The following MRPL12 variants were observed in gnomAD, a reference collection of about 807,000 sequenced individuals.
MRPL12 encodes mitochondrial ribosomal protein L12.
Under a neutral mutation model 21.1 loss-of-function variants are expected in MRPL12, and 13 were observed. That is an observed-to-expected ratio of 0.62 (90% CI 0.40 to 0.98). The LOEUF (loss-of-function observed/expected upper bound fraction) is 0.98, where lower values mean the gene tolerates loss of function less well. MRPL12 is among the 50% of genes least tolerant of loss of function. The probability of loss-of-function intolerance (pLI) is 0.00; values close to 1 mark genes in which losing one functional copy is unlikely to be tolerated. For missense variants in MRPL12, 251 were observed against 268.6 expected (o/e 0.93, Z 0.46); for synonymous variants, 126 against 115.3 (o/e 1.09, Z -0.60).
chr17:81,703,385 G>A lies in MRPL12; in HGVS notation c.-117G>A. On this transcript the variant is annotated 5_prime_UTR_variant, in exon 1 of 5. The change abolishes an upstream ATG in the 5' untranslated region. Coordinates refer to ENST00000333676, the MANE Select transcript of MRPL12 (RefSeq NM_002949.4). The stretch of plus-strand genomic sequence containing the variant: ...CTAGAGCGTCATTTCCGGCTCGAAT[G>A]CCCGGCAGCCGTGGCGGCTAGAGCG... 2 of 828,746 alleles carry A rather than the reference G, an allele frequency of 2.4e-6. No homozygotes were observed. The highest frequency in any genetic ancestry group is 1.9e-5 in the South Asian group (1 of 51,858). The allele number at this position is 828,746 out of a possible 1,614,324, so 51.3% of individuals were successfully genotyped here.
rs2037291411 is a variant in MRPL12, at chr17:81,704,412, C to T, written c.243C>T (p.Asp81=). 5 of 1,612,414 alleles carry T rather than the reference C, an allele frequency of 3.1e-6. No individual in the cohort carries two copies. Among genetic ancestry groups the T allele is most frequent in the Non-Finnish European group, 2.5e-6 (3 of 1,179,308 alleles). Residue 81 remains aspartate (D), a synonymous_variant, in exon 2 of 5, where the codon GAC becomes GAT. Coordinates refer to ENST00000333676, the MANE Select transcript of MRPL12 (RefSeq NM_002949.4). ...GCCTCACTCTCTTGGAAATCTCAGA[C>T]CTCAACGAGCTCCTGAAGGTATCGT... The part of the protein sequence containing the change: ...IASLTLLEIS[D]LNELLKKTLK...
rs1380185259 is a variant in MRPL12 at position 81,704,314 on chromosome 17, G to A, written c.145G>A (p.Ala49Thr). 6 of 1,613,376 alleles carry A rather than the reference G, an allele frequency of 3.7e-6. No homozygotes were observed. The Admixed American group carries it at 5.0e-5, about 13-fold the overall frequency. ...SSGHQRCEAL[A>T]GAPLDNAPKE... is the part of the protein sequence containing the mutation. ...CGGCCATCAGAGGTGTGAGGCCCTCGCTGGTGCACCCCTGGATAACGCCCC... is the reference window on the plus strand; with the variant it reads ...CGGCCATCAGAGGTGTGAGGCCCTCACTGGTGCACCCCTGGATAACGCCCC... Residue 49 changes from alanine (A) to threonine (T), a missense_variant, in exon 2 of 5, where the codon GCT becomes ACT. Transcript: ENST00000333676.
chr17:81,703,501 G>C lies in MRPL12; in HGVS notation c.-1G>C, dbSNP rs1050214853. 3.4e-6 allele frequency: 5 copies of C among 1,485,652 alleles called. No homozygotes were observed. Among genetic ancestry groups the C allele is most frequent in the South Asian group, 2.5e-5 (2 of 79,586 alleles). 92.0% of individuals were successfully genotyped at this position (1,485,652 alleles called of 1,614,324 possible). On this transcript the variant is annotated 5_prime_UTR_variant, in exon 1 of 5. Coordinates refer to ENST00000333676, the MANE Select transcript of MRPL12 (RefSeq NM_002949.4). ...CGTGTGACCTTCCAGCCCGCGGACC[G>C]ATGCTGCCGGCGGCCGCTCGCCCCC...
In MRPL12 at chr17:81,704,359, A is replaced by G; in HGVS notation, c.190A>G (p.Ile64Val). 4 of 1,613,654 alleles carry G rather than the reference A, an allele frequency of 2.5e-6. No homozygotes were observed. Among genetic ancestry groups the G allele is most frequent in the Non-Finnish European group, 3.4e-6 (4 of 1,179,910 alleles). Residue 64 changes from isoleucine to valine, a missense_variant, in exon 2 of 5, where the codon ATA becomes GTA. Ile to Val is a conservative substitution (Grantham distance 29). Transcript: ENST00000333676. ...DNAPKEYPPK[I>V]QQLVQDIASL... Reference sequence around the variant, plus strand: ...CGCCCCCAAGGAGTACCCCCCCAAGATACAGCAGCTGGTCCAGGACATCGC... The same window carrying G: ...CGCCCCCAAGGAGTACCCCCCCAAGGTACAGCAGCTGGTCCAGGACATCGC...
Position 81,703,397 on chromosome 17 carries a change from TG to T in MRPL12, c.-103del. The T allele has an allele frequency of 1.1e-6, 1 of 942,854 alleles. No homozygotes were observed. Among genetic ancestry groups the T allele is most frequent in the African/African-American group, 1.8e-5 (1 of 56,934 alleles). The allele number at this position is 942,854 out of a possible 1,614,324, so 58.4% of individuals were successfully genotyped here. ...TTCCGGCTCGAATGCCCGGCAGCCG[TG>T]GCGGCTAGAGCGTTCCTCCCCAGCT... On this transcript the variant is annotated 5_prime_UTR_variant, in exon 1 of 5. It removes the in-frame stop codon of an upstream open reading frame in the 5' UTR. Coordinates refer to ENST00000333676, the MANE Select transcript of MRPL12 (RefSeq NM_002949.4).
At chr17:81,704,848 C>A (rs981223372) in intron 3 of MRPL12, 132 bp downstream of exon 3, 22 of 765,108 alleles carry the variant, frequency 2.9e-5, no homozygotes, top group South Asian at 2.1e-4. Flanking sequence ...CGGCATCCTG[C>A]AGCCTCCTGG....
chr17:81,703,637 G>A (rs1161311150), intron 1 of MRPL12, 62 bp downstream of exon 1: 11 of 1,284,966 alleles, frequency 8.6e-6, no homozygotes, highest in Non-Finnish European at 1.1e-5. Flanking sequence ...CGGGCACTGA[G>A]GGGTCGATCC....
chr17:81,706,959 C>T lies in MRPL12; in HGVS notation c.399C>T (p.Arg133=), dbSNP rs77169901. 1.1e-4 allele frequency: 185 copies of T among 1,614,116 alleles called. No homozygotes were observed. The African/African-American group carries it at 2.1e-3, about 18-fold the overall frequency. The part of the protein sequence containing the change: ...IAKERTHFTV[R]LTEAKPVDKV... The stretch of plus-strand genomic sequence containing the variant: ...AAGAACGGACACATTTCACCGTCCG[C>T]CTGACCGAGGCGAAGCCCGTGGACA... The change falls in exon 4 of 5, where the codon CGC becomes CGT. Residue 133 remains arginine (R), a synonymous_variant. Coordinates refer to ENST00000333676, the MANE Select transcript of MRPL12 (RefSeq NM_002949.4).
At chr17:81,703,616 TA>T in intron 1 of MRPL12, 41 bp downstream of exon 1, 2 of 1,350,942 alleles carry the variant, frequency 1.5e-6, no homozygotes, top group Non-Finnish European at 1.9e-6. Flanking sequence ...GCAGGCGGGT[TA>T]GGGGGCAGCC....
chr17:81,704,118 G>C (rs117968022), intron 1 of MRPL12, 126 bp from the exon 2 acceptor site: 13 of 912,990 alleles, frequency 1.4e-5, no homozygotes, highest in Non-Finnish European at 2.1e-5. Context: ...GTAATTTCCG[G>C]CCCTAGTGAT....
chr17:81,704,126 G>A (rs2037287017), intron 1 of MRPL12, 118 bp from the exon 2 acceptor site: 2 of 1,040,974 alleles, frequency 1.9e-6, no homozygotes, highest in Admixed American at 6.0e-5. Context: ...CGGCCCTAGT[G>A]ATTACCAGCC....
intron 3 of MRPL12, 101 bp downstream of exon 3, chr17:81,704,817 T>C (rs910865489): frequency 3.9e-6 from 4 of 1,033,380 alleles, no homozygotes; most frequent in Admixed American, 4.2e-5. Context: ...ACCGTCATTG[T>C]CTGCAGCCTG....
chr17:81,707,085 G>T, intron 4 of MRPL12, 39 bp from the exon 5 acceptor site: 1 of 1,613,930 alleles, frequency 6.2e-7, no homozygotes, highest in Non-Finnish European at 8.5e-7. Context: ...CGTTGTGGTG[G>T]CCAGGGCCCC....
chr17:81,703,599 C>T (rs1216423000), intron 1 of MRPL12, 24 bp downstream of exon 1: 3 of 1,372,406 alleles, frequency 2.2e-6, no homozygotes, highest in Non-Finnish European at 2.8e-6. Flanking sequence ...TGGGGCGGTC[C>T]GGGCCGGCAG....
Position 81,706,968 on chromosome 17 carries a change from G to C in MRPL12, c.408G>C (p.Glu136Asp). Residue 136 changes from glutamate to aspartate, a missense_variant, in exon 4 of 5, where the codon GAG (glutamate) becomes GAC (aspartate). Transcript: ENST00000333676. ...CACATTTCACCGTCCGCCTGACCGA[G>C]GCGAAGCCCGTGGACAAAGTGAAGC... Reference protein sequence around the residue: ...ERTHFTVRLTEAKPVDKVKLI... With the variant: ...ERTHFTVRLTDAKPVDKVKLI... 6.2e-7 allele frequency: 1 copy of C among 1,614,110 alleles called. No individual in the cohort carries two copies. The highest frequency in any genetic ancestry group is 8.5e-7 in the Non-Finnish European group (1 of 1,180,034).
intron 3 of MRPL12, 41 bp from the exon 4 acceptor site, chr17:81,706,865 G>A (rs2037318868): frequency 1.9e-6 from 3 of 1,607,460 alleles, no homozygotes; most frequent in Non-Finnish European, 2.5e-6. Flanking sequence ...GCTCCCCCCA[G>A]CCCTTTGTCA....
chr17:81,704,786 C>A, intron 3 of MRPL12, 70 bp downstream of exon 3: 1 of 1,316,326 alleles, frequency 7.6e-7, no homozygotes, highest in Non-Finnish European at 1.1e-6. Flanking sequence ...GCCGTGGTCC[C>A]GTATCTCAGG....
chr17:81,703,875 A>C (rs1568223017), intron 1 of MRPL12, among the ~76,000 whole-genome samples: 1 of 152,212 alleles, frequency 6.6e-6, no homozygotes, highest in Non-Finnish European at 1.5e-5. Context: ...TTTTGCGGCC[A>C]GGGGCCCCCA....
Position 81,704,280 on chromosome 17 carries a change from G to T in MRPL12, c.111G>T (p.Met37Ile), listed in dbSNP as rs757660199. The T allele has an allele frequency of 6.2e-7, 1 of 1,612,626 alleles. No homozygotes were observed. The highest frequency in any genetic ancestry group is 8.5e-7 in the Non-Finnish European group (1 of 1,179,754). Residue 37 changes from methionine to isoleucine, a missense_variant, in exon 2 of 5, where the codon ATG becomes ATT. Transcript: ENST00000333676. Reference sequence around the variant, plus strand: ...CATGTGTCTGTGCCGTGCGACATATGAGGAGCAGCGGCCATCAGAGGTGTG... The same window carrying T: ...CATGTGTCTGTGCCGTGCGACATATTAGGAGCAGCGGCCATCAGAGGTGTG... Reference protein sequence around the residue: ...QVPCVCAVRHMRSSGHQRCEA... With the variant: ...QVPCVCAVRHIRSSGHQRCEA...
Sources: gnomAD v4.1 joint callset for allele counts (sites outside exome capture counted in the v4.1 genomes callset) on GRCh38, gnomAD v4.1.1 for gene constraint, MANE v1.5 for transcripts, NCBI Gene and HGNC (gene_info 2026-07-23, HGNC 2026-07-21) for gene names.